LPIN2: variants seen among roughly 807,000 people sequenced by gnomAD.
LPIN2 encodes the protein phosphatidate phosphatase LPIN2.
LPIN2 carries 55 observed loss-of-function variants against 111.4 expected under a neutral mutation model. The observed-to-expected ratio is 0.49, with a 90% CI of 0.40 to 0.62. The LOEUF (loss-of-function observed/expected upper bound fraction) is 0.62. Among genes scored for constraint, LPIN2 ranks in the 20% least tolerant of loss-of-function variants. The probability of loss-of-function intolerance (pLI) is 0.00; values close to 1 mark genes in which losing one functional copy is unlikely to be tolerated. For synonymous variants in LPIN2, 425 were observed against 414.0 expected, an observed-to-expected ratio of 1.03 and a Z score of -0.32; for missense variants, 992 against 1,112.1, an observed-to-expected ratio of 0.89 and a Z score of 1.54.
At chr18:2,930,457 A>G (rs953025520) in intron 9 of LPIN2, among the ~76,000 whole-genome samples, 4 of 152,218 alleles carry the variant, frequency 2.6e-5, no homozygotes, top group African/African-American at 9.6e-5. Context: ...CCTGGAAAGG[A>G]AAGACTTCAG....
rs2077138820 is a variant in LPIN2, at chr18:2,926,800, T to C, written c.1716A>G (p.Pro572=). The change falls in exon 13 of 20, where the codon CCA becomes CCG. Residue 572 remains proline, a synonymous_variant. Transcript: ENST00000677752. ...CCTCAGATTTTCCCTCCTTGGATTCTGGCAGCTGTAACAGCAAGATGATAA... is the reference window on the plus strand; with the variant it reads ...CCTCAGATTTTCCCTCCTTGGATTCCGGCAGCTGTAACAGCAAGATGATAA... ...RKRESMTKQL[P]ESKEGKSEAP... 6 of 1,613,780 alleles carry C rather than the reference T, an allele frequency of 3.7e-6. No individual in the cohort carries two copies. The Middle Eastern group carries it at 4.9e-4, about 133-fold the overall frequency.
At chr18:2,980,492 T>C (rs1470069958) in intron 1 of LPIN2, among the ~76,000 whole-genome samples, 1 of 152,150 alleles carries the variant, frequency 6.6e-6, no homozygotes, top group African/African-American at 2.4e-5. Context: ...TAAGGTTTCC[T>C]AACTTAGCAT....
chr18:2,970,997 T>C (rs1054743127), intron 1 of LPIN2, among the ~76,000 whole-genome samples: 11 of 152,176 alleles, frequency 7.2e-5, no homozygotes, highest in African/African-American at 1.7e-4. Context: ...TTTCCCAGTA[T>C]AGCAATGCAC....
intron 1 of LPIN2, among the ~76,000 whole-genome samples, chr18:2,996,423 T>G (rs16944167): frequency 5.9e-5 from 9 of 151,646 alleles, no homozygotes; most frequent in African/African-American, 2.2e-4. Context: ...CATGGTGACG[T>G]TGCAGAAAAG....
At chr18:2,990,820 C>T (rs2078254468) in intron 1 of LPIN2, 4 of 395,782 alleles carry the variant, frequency 1.0e-5, no homozygotes, top group African/African-American at 2.1e-5. Context: ...AGGAAAGATA[C>T]TTCCTACTTC....
chr18:2,991,523 C>G (rs539267706), intron 1 of LPIN2, among the ~76,000 whole-genome samples: 22 of 152,056 alleles, frequency 1.4e-4, no homozygotes, highest in Middle Eastern at 3.4e-3. Flanking sequence ...CCAGTGTAGG[C>G]AACATAGTGA....
At chr18:2,928,972 T>C (rs1421682703) in intron 10 of LPIN2, 93 bp downstream of exon 10, 5 of 868,914 alleles carry the variant, frequency 5.8e-6, no homozygotes, top group Non-Finnish European at 9.7e-6. Context: ...ACAAGTTTTA[T>C]AAGAAGGAAC....
chr18:3,002,717 T>C (rs568048202), intron 1 of LPIN2, among the ~76,000 whole-genome samples: 9 of 152,238 alleles, frequency 5.9e-5, no homozygotes, highest in Admixed American at 2.6e-4. Flanking sequence ...ATGTTTTTCT[T>C]TGAGATAAAA....
chr18:2,940,411 TAGAGTA>T (rs535522697), intron 5 of LPIN2, among the ~76,000 whole-genome samples, 188 bp downstream of exon 5: 2 of 152,224 alleles, frequency 1.3e-5, no homozygotes, highest in Non-Finnish European at 2.9e-5. Flanking sequence ...CCAACACTGT[TAGAGTA>T]AGTCAGATCA....
intron 1 of LPIN2, among the ~76,000 whole-genome samples, chr18:3,005,240 C>T (rs60375706): frequency 0.087 from 13,135 of 151,816 alleles, 1,392 homozygotes; most frequent in African/African-American, 0.26. Flanking sequence ...ATCCCAGCTA[C>T]TAGGGAAGCC....
Position 2,943,453 on chromosome 18 carries a change from TG to T in LPIN2, c.591-2742del, listed in dbSNP as rs2077397003. 1.3e-4 allele frequency among the ~76,000 whole-genome samples: 19 copies of T among 151,130 alleles called. 1 individual carries two copies. On this transcript the variant is annotated intron_variant, in intron 4 of 19. Transcript: ENST00000677752. Reference sequence around the variant, plus strand: ...GCGTGTGTGTGTGTGTGTGTGTGTGTGTGTGTATAAATCAATGTTTTGATCA... The same window carrying T: ...GCGTGTGTGTGTGTGTGTGTGTGTGTTGTGTATAAATCAATGTTTTGATCA...
chr18:2,920,302 G>A lies in LPIN2; in HGVS notation c.2682C>T (p.Asp894=), dbSNP rs770782267. The change falls in exon 20 of 20, where the codon GAC becomes GAT. Residue 894 remains aspartate (D), a synonymous_variant. Transcript: ENST00000677752. ...CCACTGAGGTGCCGCCTCAAGACAG[G>A]TCATCCAGGTCCACTTCAGGGATCG... ...RDPIPEVDLD[D]LS 6.2e-7 allele frequency: 1 copy of A among 1,614,160 alleles called. No individual in the cohort carries two copies. Among genetic ancestry groups the A allele is most frequent in the Non-Finnish European group, 8.5e-7 (1 of 1,180,044 alleles).
chr18:2,935,855 G>A (rs1455819340), intron 7 of LPIN2, among the ~76,000 whole-genome samples: 2 of 152,132 alleles, frequency 1.3e-5, no homozygotes, highest in African/African-American at 4.8e-5. Flanking sequence ...ATAAAAAGTA[G>A]AGGGGAAAAA....
At chr18:2,999,976 G>A (rs2078406819) in intron 1 of LPIN2, among the ~76,000 whole-genome samples, 1 of 151,896 alleles carries the variant, frequency 6.6e-6, no homozygotes, top group African/African-American at 2.4e-5. Flanking sequence ...ATCACTTAAG[G>A]CTGGAAGTTC....
chr18:2,958,181 A>AAAAAAAC (rs2077652251), intron 2 of LPIN2, among the ~76,000 whole-genome samples: 1 of 147,096 alleles, frequency 6.8e-6, no homozygotes, highest in African/African-American at 2.5e-5. Context: ...AAACAGAAAA[A>AAAAAAAC]AGAAAAAAAA....
At chr18:2,951,454 A>G in intron 3 of LPIN2, 98 bp from the exon 4 acceptor site, 2 of 1,002,060 alleles carry the variant, frequency 2.0e-6, no homozygotes, top group Non-Finnish European at 3.0e-6. Flanking sequence ...CATGGTAAAA[A>G]AAAAAAAAAT....
intron 7 of LPIN2, among the ~76,000 whole-genome samples, chr18:2,937,474 G>A (rs1182677982): frequency 2.7e-5 from 4 of 147,036 alleles, no homozygotes; most frequent in African/African-American, 5.1e-5. Context: ...GAACCCGGGA[G>A]GCGGAAGTTG....
chr18:2,934,625 T>A (rs1394399796), intron 7 of LPIN2, among the ~76,000 whole-genome samples, 175 bp from the exon 8 acceptor site: 1 of 152,228 alleles, frequency 6.6e-6, no homozygotes, highest in Admixed American at 6.5e-5. Flanking sequence ...TCCATGCCAA[T>A]AGAAGAGAAG....
At chr18:3,008,258 A>C (rs1460121575) in intron 1 of LPIN2, among the ~76,000 whole-genome samples, 1 of 152,188 alleles carries the variant, frequency 6.6e-6, no homozygotes, top group African/African-American at 2.4e-5. Context: ...CCTGGGCAAC[A>C]TGATGATACC....
Sources: gnomAD v4.1 joint callset for allele counts (sites outside exome capture counted in the v4.1 genomes callset) on GRCh38, gnomAD v4.1.1 for gene constraint, MANE v1.5 for transcripts, NCBI Gene and HGNC (gene_info 2026-07-23, HGNC 2026-07-21) for gene names.